TRHDE: variants seen among roughly 807,000 people sequenced by gnomAD.
TRHDE encodes the protein thyrotropin releasing hormone degrading enzyme.
TRHDE carries 72 observed loss-of-function variants against 125.7 expected under a neutral mutation model. That is an observed-to-expected ratio of 0.57 (90% CI 0.47 to 0.70). TRHDE has a LOEUF of 0.70. Among genes scored for constraint, TRHDE ranks in the 30% least tolerant of loss-of-function variants. TRHDE has a pLI of 0.00. For synonymous variants in TRHDE, 509 were observed against 509.1 expected (o/e 1.00, Z 0.00); for missense variants, 1,110 against 1,327.1 (o/e 0.84, Z 2.54).
At chr12:72,234,105 G>A (rs548634328) in intron 2 of TRHDE, among the ~76,000 whole-genome samples, 1 of 152,238 alleles carries the variant, frequency 6.6e-6, no homozygotes, top group South Asian at 2.1e-4. Flanking sequence ...AAATTTTATT[G>A]TAAAGCTTGC....
chr12:72,481,989 A>G (rs1877195536), intron 5 of TRHDE, among the ~76,000 whole-genome samples: 1 of 151,912 alleles, frequency 6.6e-6, no homozygotes, highest in East Asian at 1.9e-4. Context: ...AGTGCTGTTA[A>G]TGGTATATTA....
At chr12:72,120,927 C>G (rs529554706) in intron 2 of TRHDE, among the ~76,000 whole-genome samples, 17 of 152,182 alleles carry the variant, frequency 1.1e-4, no homozygotes, top group South Asian at 8.3e-4. Context: ...GTCTGCCCCA[C>G]TCAGCCTCCC....
chr12:72,330,642 G>A (rs1448154173), intron 2 of TRHDE, among the ~76,000 whole-genome samples: 1 of 152,222 alleles, frequency 6.6e-6, no homozygotes, highest in East Asian at 1.9e-4. Context: ...AGGCAGCTCT[G>A]TAATTTGAAG....
At chr12:72,166,360 CAT>C (rs1004616616) in intron 2 of TRHDE, among the ~76,000 whole-genome samples, 1 of 151,948 alleles carries the variant, frequency 6.6e-6, no homozygotes, top group African/African-American at 2.4e-5. Context: ...TATATACACA[CAT>C]ATATATACAC....
chr12:72,539,269 G>A (rs1436341206), intron 6 of TRHDE, among the ~76,000 whole-genome samples: 1 of 151,842 alleles, frequency 6.6e-6, no homozygotes, highest in Non-Finnish European at 1.5e-5. Flanking sequence ...AATCCTCAAA[G>A]ACAGAGACTT....
intron 2 of TRHDE, among the ~76,000 whole-genome samples, chr12:72,339,462 G>A (rs992858484): frequency 2.6e-5 from 4 of 152,164 alleles, no homozygotes; most frequent in South Asian, 2.1e-4. Context: ...TAATAAGACC[G>A]TTTACGTTTT....
chr12:72,358,438 A>G (rs1870919921), intron 2 of TRHDE, among the ~76,000 whole-genome samples: 1 of 151,568 alleles, frequency 6.6e-6, no homozygotes, highest in Non-Finnish European at 1.5e-5. Context: ...ACCTTGCTTT[A>G]TTGTAAGAAT....
chr12:72,284,289 T>C (rs1365386834), intron 1 of TRHDE, among the ~76,000 whole-genome samples: 1 of 152,178 alleles, frequency 6.6e-6, no homozygotes, highest in African/African-American at 2.4e-5. Flanking sequence ...CGTTCAGTGA[T>C]TGAATTGGAG....
At chr12:72,160,717 A>G (rs1435298697) in intron 2 of TRHDE, among the ~76,000 whole-genome samples, 1 of 152,060 alleles carries the variant, frequency 6.6e-6, no homozygotes, top group Non-Finnish European at 1.5e-5. Context: ...ATGAAACAAA[A>G]CAAAACAAAA....
chr12:72,335,549 G>A (rs1869793090), intron 2 of TRHDE, among the ~76,000 whole-genome samples: 1 of 152,124 alleles, frequency 6.6e-6, no homozygotes, highest in Non-Finnish European at 1.5e-5. Flanking sequence ...CTACCTCTCT[G>A]CACACACACA....
rs1217943402 is a variant in TRHDE, at chr12:72,664,322, G to A, written c.*1127G>A. 6.6e-6 allele frequency: 1 copy of A among 152,510 alleles called. No individual in the cohort carries two copies. Among genetic ancestry groups the A allele is most frequent in the Non-Finnish European group, 1.5e-5 (1 of 68,012 alleles). 9.4% of individuals were successfully genotyped at this position (152,510 alleles called of 1,614,324 possible). A position where few individuals can be genotyped will look rare whatever the true frequency, so the allele number is the denominator to read the frequency against. On this transcript the variant is annotated 3_prime_UTR_variant, in exon 19 of 19. Transcript: ENST00000261180. ...AGAGAGTTAAAAAAATTCTCTGCATGTTGGTCTTTTAAGTCTGTTTTGCTC... is the reference window on the plus strand; with the variant it reads ...AGAGAGTTAAAAAAATTCTCTGCATATTGGTCTTTTAAGTCTGTTTTGCTC...
intron 3 of TRHDE, among the ~76,000 whole-genome samples, chr12:72,432,312 T>G (rs897737824): frequency 6.6e-6 from 1 of 152,162 alleles, no homozygotes; most frequent in Non-Finnish European, 1.5e-5. Flanking sequence ...TTTTATTCAG[T>G]GCAGGCACAA....
intron 1 of TRHDE, among the ~76,000 whole-genome samples, chr12:72,090,483 AT>A (rs1253624748): frequency 6.6e-6 from 1 of 152,026 alleles, no homozygotes; most frequent in Non-Finnish European, 1.5e-5. Context: ...TATATCTTGA[AT>A]GTTTGGGCAA....
intron 7 of TRHDE, among the ~76,000 whole-genome samples, chr12:72,542,771 G>T: frequency 6.6e-6 from 1 of 150,994 alleles, no homozygotes. Context: ...TTAGGTTTTT[G>T]TTATTTTGCT....
chr12:72,614,011 G>A (rs73146978), intron 12 of TRHDE, among the ~76,000 whole-genome samples: 10,017 of 151,992 alleles, frequency 0.066, 482 homozygotes, highest in Middle Eastern at 0.11. Flanking sequence ...CATATCACCC[G>A]GCAAAAGTAG....
At chr12:72,092,905 A>G (rs1874825525) in intron 1 of TRHDE, among the ~76,000 whole-genome samples, 1 of 152,196 alleles carries the variant, frequency 6.6e-6, no homozygotes, top group Admixed American at 6.5e-5. Context: ...CTCCTCTACC[A>G]TGGAAACTCA....
intron 12 of TRHDE, among the ~76,000 whole-genome samples, chr12:72,589,694 CTT>C (rs1222784410): frequency 6.6e-6 from 1 of 151,984 alleles, no homozygotes; most frequent in African/African-American, 2.4e-5. Flanking sequence ...TTGGGATAGA[CTT>C]ATATATAATA....
chr12:72,653,244 C>T, intron 17 of TRHDE, 88 bp downstream of exon 17: 2 of 1,076,872 alleles, frequency 1.9e-6, no homozygotes, highest in Non-Finnish European at 2.6e-6. Flanking sequence ...AGCTAAGATC[C>T]ATGCAATAGG....
At chr12:72,617,514 A>G (rs528037922) in intron 12 of TRHDE, among the ~76,000 whole-genome samples, 1 of 152,312 alleles carries the variant, frequency 6.6e-6, no homozygotes, top group Non-Finnish European at 1.5e-5. Context: ...ACAAAGGTCC[A>G]TCTAATTTTG....
Sources: gnomAD v4.1 joint callset for allele counts (sites outside exome capture counted in the v4.1 genomes callset) on GRCh38, gnomAD v4.1.1 for gene constraint, MANE v1.5 for transcripts, NCBI Gene and HGNC (gene_info 2026-07-23, HGNC 2026-07-21) for gene names.